Variants in CNRIP1 observed in about 807,000 individuals in gnomAD.
CNRIP1 encodes CB1 cannabinoid receptor-interacting protein 1.
Under a neutral mutation model 15.2 loss-of-function variants are expected in CNRIP1, and 10 were observed. The ratio of observed to expected loss-of-function variants is 0.66; its 90% CI spans 0.41 to 1.12. The LOEUF (loss-of-function observed/expected upper bound fraction) is 1.12, where lower values mean the gene tolerates loss of function less well. Among genes scored for constraint, CNRIP1 ranks in the 50% most tolerant of loss-of-function variants. CNRIP1 has a pLI of 0.00. For missense variants in CNRIP1, 211 were observed against 214.7 expected, an observed-to-expected ratio of 0.98 and a Z score of 0.11; for synonymous variants, 91 against 83.2, an observed-to-expected ratio of 1.09 and a Z score of -0.51.
At chr2:68,287,936 A>T (rs1573001680) in intron 2 of CNRIP1, among the ~76,000 whole-genome samples, 1 of 152,372 alleles carries the variant, frequency 6.6e-6, no homozygotes, top group East Asian at 1.9e-4. Context: ...CAATGTCAGT[A>T]AAAGAATTCA....
At chr2:68,310,538 G>T (rs953282869) in intron 2 of CNRIP1, among the ~76,000 whole-genome samples, 2 of 152,274 alleles carry the variant, frequency 1.3e-5, no homozygotes, top group Admixed American at 1.3e-4. Flanking sequence ...ACTGCTGGAA[G>T]ATAGAATTTG....
intron 2 of CNRIP1, among the ~76,000 whole-genome samples, chr2:68,312,160 G>A (rs1672118446): frequency 1.3e-5 from 2 of 151,838 alleles, no homozygotes; most frequent in Admixed American, 1.3e-4. Flanking sequence ...ACTAGACAAA[G>A]GCATTATAAG....
intron 2 of CNRIP1, among the ~76,000 whole-genome samples, chr2:68,287,188 T>C (rs1297393257): frequency 6.6e-6 from 1 of 152,234 alleles, no homozygotes; most frequent in Non-Finnish European, 1.5e-5. Context: ...TTTTTTCTTT[T>C]TGGAGAAGTT....
intron 2 of CNRIP1, among the ~76,000 whole-genome samples, chr2:68,295,712 GT>G (rs1334630010): frequency 7.2e-5 from 11 of 152,284 alleles, no homozygotes; most frequent in African/African-American, 2.4e-4. Flanking sequence ...GGAAACATCT[GT>G]GGTTATCTAG....
At chr2:68,296,804 AT>A (rs1390083440) in intron 2 of CNRIP1, among the ~76,000 whole-genome samples, 1 of 151,566 alleles carries the variant, frequency 6.6e-6, no homozygotes, top group Non-Finnish European at 1.5e-5. Context: ...CGCCTGGCTA[AT>A]TTTTTTTGTA....
Position 68,317,265 on chromosome 2 carries a change from C to G in CNRIP1, c.222G>C (p.Lys74Asn). ...IGGVLVPLEL[K>N]SKEPDGDRVV... is the part of the protein sequence containing the mutation. ...CTCTGTCCCCATCAGGCTCTTTAGA[C>G]TTCAGTTCCAGTGGGACAAGCACAC... Residue 74 changes from lysine to asparagine, a missense_variant, in exon 2 of 3, where the codon AAG (lysine) becomes AAC (asparagine). Coordinates refer to ENST00000263655, the MANE Select transcript of CNRIP1 (RefSeq NM_015463.3). 2.5e-6 allele frequency: 4 copies of G among 1,614,130 alleles called. No individual in the cohort carries two copies. Among genetic ancestry groups the G allele is most frequent in the Non-Finnish European group, 3.4e-6 (4 of 1,180,016 alleles).
intron 2 of CNRIP1, among the ~76,000 whole-genome samples, chr2:68,310,560 C>T (rs1193832008): frequency 6.6e-6 from 1 of 152,096 alleles, no homozygotes; most frequent in Non-Finnish European, 1.5e-5. Context: ...AGTTTGAGTA[C>T]AGGAATGTTT....
intron 2 of CNRIP1, chr2:68,284,592 T>A (rs566354703): frequency 1.6e-6 from 1 of 609,074 alleles, no homozygotes; most frequent in Non-Finnish European, 2.7e-6. Flanking sequence ...CAGGCAGATC[T>A]CTTGAGGTCA....
At chr2:68,286,472 G>T (rs1671035079) in intron 2 of CNRIP1, among the ~76,000 whole-genome samples, 1 of 152,160 alleles carries the variant, frequency 6.6e-6, no homozygotes, top group African/African-American at 2.4e-5. Flanking sequence ...TATATGTTTT[G>T]TCAAAGAAAG....
At chr2:68,314,165 AT>A (rs1672192429) in intron 2 of CNRIP1, among the ~76,000 whole-genome samples, 1 of 152,118 alleles carries the variant, frequency 6.6e-6, no homozygotes, top group South Asian at 2.1e-4. Context: ...ATAATCATGT[AT>A]AAAGTATGTT....
intron 2 of CNRIP1, among the ~76,000 whole-genome samples, chr2:68,308,293 C>G (rs1026255922): frequency 6.6e-6 from 1 of 152,040 alleles, no homozygotes; most frequent in Non-Finnish European, 1.5e-5. Context: ...CTTTTCACTA[C>G]CATTTACAAG....
At chr2:68,287,550 G>A in intron 2 of CNRIP1, among the ~76,000 whole-genome samples, 1 of 152,208 alleles carries the variant, frequency 6.6e-6, no homozygotes, top group Non-Finnish European at 1.5e-5. Context: ...CCAACAAAAG[G>A]TGGCTAGGGT....
At chr2:68,284,810 CAAAAAAA>C (rs146572383) in intron 2 of CNRIP1, among the ~76,000 whole-genome samples, 4 of 73,790 alleles carry the variant, frequency 5.4e-5, no homozygotes, top group South Asian at 4.5e-4. Flanking sequence ...GACTCTGTCT[CAAAAAAA>C]AAAAAAAAAA....
chr2:68,312,550 G>A lies in CNRIP1; in HGVS notation c.330+4607C>T, dbSNP rs575818700. Among the ~76,000 whole-genome samples, 22 of 152,264 alleles carry A rather than the reference G, an allele frequency of 1.4e-4. 1 individual carries two copies. In the South Asian group the frequency reaches 4.6e-3, roughly 32 times the overall value. On this transcript the variant is annotated intron_variant, in intron 2 of 2. Transcript: ENST00000263655. ...CAGAATGCTTTCTCTCTCAGACTGAGGGACAAGAATGTCCACTCTCACCAT... is the reference window on the plus strand; with the variant it reads ...CAGAATGCTTTCTCTCTCAGACTGAAGGACAAGAATGTCCACTCTCACCAT...
At chr2:68,297,813 T>G (rs558448050) in intron 2 of CNRIP1, among the ~76,000 whole-genome samples, 3 of 152,206 alleles carry the variant, frequency 2.0e-5, no homozygotes, top group Non-Finnish European at 4.4e-5. Flanking sequence ...TTGTCGATGA[T>G]TCAAGGAAAT....
At chr2:68,310,601 T>C (rs946671336) in intron 2 of CNRIP1, among the ~76,000 whole-genome samples, 2 of 151,618 alleles carry the variant, frequency 1.3e-5, no homozygotes, top group Admixed American at 1.3e-4. Context: ...AAACCAGTAA[T>C]ACCCAGAAGA....
At chr2:68,306,147 A>AAAAAAAAAAAAAAAAAAAAAAAC (rs1671837319) in intron 2 of CNRIP1, among the ~76,000 whole-genome samples, 1 of 145,704 alleles carries the variant, frequency 6.9e-6, no homozygotes, top group African/African-American at 2.6e-5. Context: ...AAAAAAAAAA[A>AAAAAAAAAAAAAAAAAAAAAAAC]AAAATTAGCT....
At chr2:68,309,785 C>T (rs565991909) in intron 2 of CNRIP1, among the ~76,000 whole-genome samples, 88 of 152,282 alleles carry the variant, frequency 5.8e-4, no homozygotes, top group African/African-American at 1.9e-3. Context: ...AGGAATAGAA[C>T]CCCAAATCTG....
intron 2 of CNRIP1, among the ~76,000 whole-genome samples, chr2:68,294,949 T>A (rs1229078325): frequency 6.6e-6 from 1 of 152,174 alleles, no homozygotes; most frequent in African/African-American, 2.4e-5. Flanking sequence ...ACATTTCTCT[T>A]GCAGCTGAGA....
Sources: gnomAD v4.1 joint callset for allele counts (sites outside exome capture counted in the v4.1 genomes callset) on GRCh38, gnomAD v4.1.1 for gene constraint, MANE v1.5 for transcripts, NCBI Gene and HGNC (gene_info 2026-07-23, HGNC 2026-07-21) for gene names.